TFRC: variants seen among roughly 807,000 people sequenced by gnomAD.
The protein encoded by TFRC is transferrin receptor, also known as transferrin receptor protein 1.
TFRC carries 35 observed loss-of-function variants against 85.8 expected under a neutral mutation model. That is an observed-to-expected ratio of 0.41 (90% CI 0.31 to 0.54). TFRC has a LOEUF of 0.54. Among genes scored for constraint, TFRC ranks in the 20% least tolerant of loss-of-function variants. The pLI, the probability that TFRC is intolerant of heterozygous loss-of-function variation, is 0.31. For synonymous variants in TFRC, 362 were observed against 328.6 expected (o/e 1.10, Z -1.10); for missense variants, 828 against 921.5 (o/e 0.90, Z 1.31).
At chr3:196,079,837 C>G (rs1271900434) in intron 1 of TFRC, among the ~76,000 whole-genome samples, 1 of 152,182 alleles carries the variant, frequency 6.6e-6, no homozygotes, top group African/African-American at 2.4e-5. Flanking sequence ...CCTGTTTTTA[C>G]CCACCAACAT....
intron 11 of TFRC, among the ~76,000 whole-genome samples, chr3:196,063,734 T>C (rs894685599): frequency 6.6e-6 from 1 of 152,206 alleles, no homozygotes; most frequent in Admixed American, 6.5e-5. Context: ...CTGGCCAACA[T>C]GGCGAAACCC....
chr3:196,065,509 TCA>T lies in TFRC; in HGVS notation c.1130_1131del (p.Val377GlufsTer11). 1 of 1,591,238 alleles carries T rather than the reference TCA, an allele frequency of 6.3e-7. No homozygotes were observed. The highest frequency in any genetic ancestry group is 8.6e-7 in the Non-Finnish European group (1 of 1,167,452). On this transcript the variant is annotated frameshift_variant, in exon 10 of 19. Transcript: ENST00000360110. LOFTEE classifies it high-confidence loss of function. ...ATTTTTATCTCTTTCAGCACATTGCTCACAGTGAGCTTCACATTCTTGCTTTC... is the reference window on the plus strand; with the variant it reads ...ATTTTTATCTCTTTCAGCACATTGCTCAGTGAGCTTCACATTCTTGCTTTC... ...TSESKNVKLTVSNVLKEIKIL... is the reference protein window; with the variant it reads ...TSESKNVKLTXSNVLKEIKIL...
intron 8 of TFRC, 128 bp from the exon 9 acceptor site, chr3:196,067,785 G>T: frequency 9.4e-7 from 1 of 1,067,040 alleles, no homozygotes; most frequent in South Asian, 1.7e-5. Flanking sequence ...AATCTGAGTG[G>T]CTCTACAATG....
chr3:196,053,669 A>G, intron 17 of TFRC, 111 bp from the exon 18 acceptor site: 1 of 1,385,934 alleles, frequency 7.2e-7, no homozygotes, highest in East Asian at 2.3e-5. Context: ...GAACTCGCAG[A>G]TAAGCTCAAG....
intron 1 of TFRC, among the ~76,000 whole-genome samples, chr3:196,080,644 G>A (rs1163026773): frequency 6.6e-6 from 1 of 152,214 alleles, no homozygotes; most frequent in African/African-American, 2.4e-5. Flanking sequence ...CTCGCCTTAG[G>A]GCGGAGTTAG....
intron 7 of TFRC, 35 bp from the exon 8 acceptor site, chr3:196,068,165 A>G (rs1560081559): frequency 6.6e-7 from 1 of 1,511,260 alleles, no homozygotes; most frequent in East Asian, 2.3e-5. Flanking sequence ...GAAAATGAAG[A>G]TCTGATCATA....
chr3:196,053,162 G>T (rs1039212384), intron 18 of TFRC, among the ~76,000 whole-genome samples: 1 of 152,000 alleles, frequency 6.6e-6, no homozygotes, highest in African/African-American at 2.4e-5. Context: ...TTTTACAAAG[G>T]AAAACTTTAA....
At chr3:196,062,329 C>A in intron 13 of TFRC, 1 of 420,382 alleles carries the variant, frequency 2.4e-6, no homozygotes, top group Non-Finnish European at 4.3e-6. Context: ...GTCAGGAGTT[C>A]GAGACCATCC....
chr3:196,066,524 G>C (rs454516), intron 9 of TFRC, among the ~76,000 whole-genome samples: 28,479 of 152,136 alleles, frequency 0.19, 3,132 homozygotes, highest in Non-Finnish European at 0.25. Context: ...GCTCCTAAGG[G>C]GGCTTACTTA....
At chr3:196,076,784 T>G (rs1718742093) in intron 2 of TFRC, among the ~76,000 whole-genome samples, 1 of 152,148 alleles carries the variant, frequency 6.6e-6, no homozygotes, top group Non-Finnish European at 1.5e-5. Context: ...CTTCTCCTAC[T>G]AAAACATTTT....
chr3:196,062,455 T>A (rs1717358735), intron 13 of TFRC, 127 bp downstream of exon 13: 1 of 805,592 alleles, frequency 1.2e-6, no homozygotes, highest in South Asian at 1.6e-5. Context: ...ATCGCTTGAA[T>A]CTGGGAGACA....
chr3:196,065,362 C>A, intron 10 of TFRC, 81 bp downstream of exon 10: 1 of 848,930 alleles, frequency 1.2e-6, no homozygotes, highest in Non-Finnish European at 1.7e-6. Flanking sequence ...CCTACACTCG[C>A]TCCTTCTCTA....
intron 9 of TFRC, among the ~76,000 whole-genome samples, chr3:196,066,102 A>G (rs1463974368): frequency 6.9e-6 from 1 of 144,742 alleles, no homozygotes; most frequent in Admixed American, 7.2e-5. Context: ...GAAACCATTA[A>G]TTAAGCAATA....
intron 16 of TFRC, among the ~76,000 whole-genome samples, chr3:196,056,185 TG>T (rs1192777334): frequency 7.4e-6 from 1 of 135,404 alleles, no homozygotes; most frequent in Non-Finnish European, 1.6e-5. Flanking sequence ...AGCTGGCCAC[TG>T]GGCCACTTAA....
Position 196,073,941 on chromosome 3 carries a change from G to A in TFRC, c.423C>T (p.Thr141=), listed in dbSNP as rs755735620. ...LSEKLDSTDF[T]GTIKLLNENS... is the part of the protein sequence containing the mutation. ...CAGCTGGCACTCACTTGATGGTGCC[G>A]GTGAAGTCTGTGCTGTCCAGTTTCT... The change falls in exon 4 of 19, where the codon ACC becomes ACT. Residue 141 remains threonine (T), a synonymous_variant. Transcript: ENST00000360110. 2.2e-5 allele frequency: 36 copies of A among 1,612,948 alleles called. No homozygotes were observed. The highest frequency in any genetic ancestry group is 1.1e-4 in the East Asian group (5 of 44,846).
At position 196,071,464 on chromosome 3, in the gene TFRC, C is replaced by T. The variant is rs369321220; in HGVS notation, c.619G>A (p.Gly207Ser). The T allele has an allele frequency of 3.7e-6, 6 of 1,614,026 alleles. No homozygotes were observed. Among genetic ancestry groups the T allele is most frequent in the Admixed American group, 1.7e-5 (1 of 60,010 alleles). Residue 207 changes from glycine (G) to serine (S), a missense_variant, in exon 6 of 19, where the codon GGT (glycine) becomes AGT (serine). Coordinates refer to ENST00000360110, the MANE Select transcript of TFRC (RefSeq NM_001128148.3). ...QNSVIIVDKN[G>S]RLVYLVENPG... Reference sequence around the variant, plus strand: ...TTCTCCACCAGGTAAACAAGTCTACCGTTCTTATCAACTATGATCACCGAG... The same window carrying T: ...TTCTCCACCAGGTAAACAAGTCTACTGTTCTTATCAACTATGATCACCGAG...
In TFRC at chr3:196,062,296, C is replaced by T. The variant is rs187471541; in HGVS notation, c.1468+286G>A. On this transcript the variant is annotated intron_variant, in intron 13 of 18. Transcript: ENST00000360110. ...AGTGGCCCACATCTGTAATCCCAGG[C>T]CGAGGCAGGCAGATCGCCTGAGGTC... 6.1e-5 allele frequency: 22 copies of T among 362,304 alleles called. No individual in the cohort carries two copies. In the East Asian group the frequency reaches 1.4e-3, roughly 23 times the overall value. The allele number at this position is 362,304 out of a possible 1,614,324, so 22.4% of individuals were successfully genotyped here. A position where few individuals can be genotyped will look rare whatever the true frequency, so the allele number is the denominator to read the frequency against.
chr3:196,072,183 T>A (rs530265761), intron 4 of TFRC, 31 bp from the exon 5 acceptor site: 2 of 1,604,194 alleles, frequency 1.2e-6, no homozygotes, highest in East Asian at 4.5e-5. Context: ...TAAATGAACT[T>A]AAGTTTACTT....
chr3:196,057,825 C>G (rs1435266150), intron 16 of TFRC: 1 of 151,372 alleles, frequency 6.6e-6, no homozygotes. Context: ...CAAAAAAAAC[C>G]CAACAACTAA....
Sources: gnomAD v4.1 joint callset for allele counts (sites outside exome capture counted in the v4.1 genomes callset) on GRCh38, gnomAD v4.1.1 for gene constraint, MANE v1.5 for transcripts, NCBI Gene and HGNC (gene_info 2026-07-23, HGNC 2026-07-21) for gene names.